Variants in LINGO2 observed in about 807,000 individuals in gnomAD.
LINGO2 encodes leucine rich repeat and Ig domain containing 2, also known as leucine-rich repeat and immunoglobulin-like domain-containing nogo receptor-interacting protein 2.
A neutral mutation model predicts 30.6 loss-of-function variants in LINGO2; 14 were observed. That is an observed-to-expected ratio of 0.46 (90% CI 0.30 to 0.72). LINGO2 has a LOEUF of 0.72. Ranked by LOEUF, LINGO2 falls within the 30% of genes least tolerant of loss-of-function variation. The probability of loss-of-function intolerance (pLI) is 0.07; values close to 1 mark genes in which losing one functional copy is unlikely to be tolerated. For missense variants in LINGO2, 729 were observed against 751.7 expected, an observed-to-expected ratio of 0.97 and a Z score of 0.35; for synonymous variants, 317 against 288.5, an observed-to-expected ratio of 1.10 and a Z score of -1.00.
the LINGO2 span, among the ~76,000 whole-genome samples, chr9:29,078,324 T>C: frequency 2.6e-5 from 4 of 152,060 alleles, no homozygotes; most frequent in South Asian, 8.3e-4. Context: ...ATTTTTCACT[T>C]TAATAACTTG....
intron 1 of LINGO2, among the ~76,000 whole-genome samples, chr9:28,636,024 T>A (rs1235028772): frequency 6.6e-6 from 1 of 152,104 alleles, no homozygotes; most frequent in Non-Finnish European, 1.5e-5. Context: ...CCTTCCTGTG[T>A]CCAAGTGTTC....
chr9:28,753,317 T>C, the LINGO2 span, among the ~76,000 whole-genome samples: 1 of 152,056 alleles, frequency 6.6e-6, no homozygotes, highest in African/African-American at 2.4e-5. Context: ...TTTTTTCTTA[T>C]ATTTTAAAAA....
chr9:28,991,258 G>C, the LINGO2 span, among the ~76,000 whole-genome samples: 25 of 151,422 alleles, frequency 1.7e-4, no homozygotes, highest in African/African-American at 4.4e-4. Context: ...TGGAAGAAAG[G>C]GTATCAGCAA....
chr9:28,895,336 T>C, the LINGO2 span, among the ~76,000 whole-genome samples: 1 of 152,080 alleles, frequency 6.6e-6, no homozygotes, highest in Non-Finnish European at 1.5e-5. Flanking sequence ...CAAGAGAGCG[T>C]TGTCACACTT....
At chr9:29,200,097 A>G in the LINGO2 span, among the ~76,000 whole-genome samples, 1 of 152,094 alleles carries the variant, frequency 6.6e-6, no homozygotes, top group Non-Finnish European at 1.5e-5. Flanking sequence ...ATCAGGCTAG[A>G]CTACCCTGGA....
chr9:28,655,784 G>T (rs1395209498), intron 1 of LINGO2, among the ~76,000 whole-genome samples: 1 of 151,916 alleles, frequency 6.6e-6, no homozygotes, highest in Non-Finnish European at 1.5e-5. Context: ...AGGATGTGTT[G>T]GTCTTCTCTT....
At chr9:29,208,289 T>G in the LINGO2 span, among the ~76,000 whole-genome samples, 1 of 152,134 alleles carries the variant, frequency 6.6e-6, no homozygotes, top group Non-Finnish European at 1.5e-5. Flanking sequence ...AACTGAGACT[T>G]TATTATTAAA....
At chr9:28,080,579 C>T (rs187966942) in intron 4 of LINGO2, 21 of 152,276 alleles carry the variant, frequency 1.4e-4, no homozygotes, top group African/African-American at 5.1e-4. Context: ...TTGAATGACA[C>T]CAAAGCAAGT....
At chr9:28,563,144 C>A (rs1000464243) in intron 1 of LINGO2, among the ~76,000 whole-genome samples, 1 of 152,030 alleles carries the variant, frequency 6.6e-6, no homozygotes, top group Admixed American at 6.6e-5. Flanking sequence ...ACATGCCTGG[C>A]CTGAATAAAA....
chr9:29,138,618 C>G, the LINGO2 span, among the ~76,000 whole-genome samples: 1 of 147,284 alleles, frequency 6.8e-6, no homozygotes, highest in Non-Finnish European at 1.5e-5. Flanking sequence ...TTAGTAGTAG[C>G]CATCAGTCAT....
chr9:28,099,773 T>C (rs1007379599), intron 4 of LINGO2, among the ~76,000 whole-genome samples: 30 of 152,132 alleles, frequency 2.0e-4, no homozygotes, highest in Non-Finnish European at 3.7e-4. Flanking sequence ...CCAGGAGAAA[T>C]CTGGTCTTAA....
intron 4 of LINGO2, among the ~76,000 whole-genome samples, chr9:28,224,764 G>C (rs1333448952): frequency 4.6e-5 from 7 of 152,044 alleles, no homozygotes; most frequent in Non-Finnish European, 8.8e-5. Flanking sequence ...CACAAAGATA[G>C]AATGAAGTCC....
chr9:28,187,280 C>T (rs1819575269), intron 4 of LINGO2, among the ~76,000 whole-genome samples: 1 of 151,978 alleles, frequency 6.6e-6, no homozygotes, highest in African/African-American at 2.4e-5. Flanking sequence ...CACTTGAGGT[C>T]AGGAGTTCGA....
At chr9:28,327,940 TAA>T (rs1825288432) in intron 3 of LINGO2, among the ~76,000 whole-genome samples, 1 of 151,676 alleles carries the variant, frequency 6.6e-6, no homozygotes, top group African/African-American at 2.4e-5. Context: ...AGAAAAAAAA[TAA>T]GAGTGGAAGA....
chr9:29,068,517 T>C, the LINGO2 span, among the ~76,000 whole-genome samples: 2 of 151,780 alleles, frequency 1.3e-5, no homozygotes, highest in South Asian at 2.1e-4. Flanking sequence ...AATAAAGCAA[T>C]TGACATATTT....
At chr9:28,634,485 C>CTTTTTTTTTTT (rs755583837) in intron 1 of LINGO2, among the ~76,000 whole-genome samples, 1 of 124,668 alleles carries the variant, frequency 8.0e-6, no homozygotes, top group Non-Finnish European at 1.7e-5. Context: ...TTCTTTTTTT[C>CTTTTTTTTTTT]TTTTTTTTTT....
At chr9:28,037,254 C>T (rs939515218) in intron 4 of LINGO2, among the ~76,000 whole-genome samples, 1 of 152,238 alleles carries the variant, frequency 6.6e-6, no homozygotes, top group African/African-American at 2.4e-5. Flanking sequence ...CAAACAGCAG[C>T]TGTCTGACTT....
chr9:28,675,525 TAAAC>T, the LINGO2 span, among the ~76,000 whole-genome samples: 7 of 152,262 alleles, frequency 4.6e-5, no homozygotes, highest in African/African-American at 1.7e-4. Flanking sequence ...TATTAACTTT[TAAAC>T]AAACAAAAGT....
intron 1 of LINGO2, among the ~76,000 whole-genome samples, chr9:28,528,136 C>A (rs1821100344): frequency 6.6e-6 from 1 of 152,150 alleles, no homozygotes; most frequent in African/African-American, 2.4e-5. Flanking sequence ...TTCTACTTAT[C>A]CTACTTAACT....
Sources: allele counts gnomAD v4.1 joint callset (sites outside exome capture counted in the v4.1 genomes callset), GRCh38; gene constraint gnomAD v4.1.1; transcripts MANE v1.5; gene names NCBI Gene and HGNC (gene_info 2026-07-23, HGNC 2026-07-21).